SPRED2: variants seen among roughly 807,000 people sequenced by gnomAD.
SPRED2 encodes the protein sprouty related EVH1 domain containing 2.
In SPRED2, 47 loss-of-function variants were observed where a neutral mutation model predicts 43.0. The observed-to-expected ratio is 1.09, with a 90% CI of 0.87 to 1.40. SPRED2 has a LOEUF of 1.40. Among genes scored for constraint, SPRED2 ranks in the 40% most tolerant of loss-of-function variants. The pLI is 0.00. For missense variants in SPRED2, 561 were observed against 586.4 expected (o/e 0.96, Z 0.45); for synonymous variants, 225 against 225.7 (o/e 1.00, Z 0.03).
chr2:65,417,424 G>A (rs1364011377), intron 1 of SPRED2, among the ~76,000 whole-genome samples: 1 of 152,072 alleles, frequency 6.6e-6, no homozygotes, highest in Non-Finnish European at 1.5e-5. Context: ...GGAAACCAAA[G>A]CTTAAGACCC....
At chr2:65,423,157 G>A (rs1447346683) in intron 1 of SPRED2, among the ~76,000 whole-genome samples, 2 of 152,192 alleles carry the variant, frequency 1.3e-5, no homozygotes, top group Non-Finnish European at 2.9e-5. Flanking sequence ...TGGCATTCAA[G>A]TAGACAAAAC....
intron 3 of SPRED2, among the ~76,000 whole-genome samples, chr2:65,332,789 G>A (rs1673852386): frequency 6.6e-6 from 1 of 152,020 alleles, no homozygotes; most frequent in African/African-American, 2.4e-5. Context: ...TCTGGTATGC[G>A]AATCAGGTAC....
chr2:65,318,754 C>A (rs1436328788), intron 4 of SPRED2, among the ~76,000 whole-genome samples: 2 of 151,968 alleles, frequency 1.3e-5, no homozygotes, highest in Non-Finnish European at 2.9e-5. Flanking sequence ...TCAAGTGATC[C>A]CCCTGCTTCA....
At chr2:65,401,927 G>A (rs551355043) in intron 1 of SPRED2, among the ~76,000 whole-genome samples, 5 of 30,032 alleles carry the variant, frequency 1.7e-4, no homozygotes, top group South Asian at 7.9e-4. Flanking sequence ...CAGAATATTA[G>A]CGCGCGCGCG....
intron 1 of SPRED2, among the ~76,000 whole-genome samples, chr2:65,391,195 T>TAA (rs1675627935): frequency 6.9e-6 from 1 of 145,556 alleles, no homozygotes; most frequent in South Asian, 2.2e-4. Context: ...CCTTAATGTG[T>TAA]ACACACACAC....
chr2:65,421,810 C>A (rs1676429801), intron 1 of SPRED2, among the ~76,000 whole-genome samples: 1 of 152,146 alleles, frequency 6.6e-6, no homozygotes, highest in African/African-American at 2.4e-5. Context: ...ATTTGCTCAA[C>A]AGTAATATAA....
In SPRED2 at chr2:65,313,844, T is replaced by C. The variant is rs1673147792; in HGVS notation, c.914A>G (p.Glu305Gly). The change falls in exon 6 of 6, where the codon GAG becomes GGG. Residue 305 changes from glutamate (E) to glycine (G), a missense_variant. Glu to Gly is a moderately conservative substitution (Grantham distance 98). Transcript: ENST00000356388. The part of the protein sequence containing the change: ...GKSRRRKEDG[E>G]RSRCVYCRDM... Reference sequence around the variant, plus strand: ...CCTGCAGTACACGCACCGCGAGCGCTCTCCGTCCTCCTTCCGCCGCCGCGA... The same window carrying C: ...CCTGCAGTACACGCACCGCGAGCGCCCTCCGTCCTCCTTCCGCCGCCGCGA... 5 of 1,611,818 alleles carry C rather than the reference T, an allele frequency of 3.1e-6. No individual in the cohort carries two copies. In the South Asian group the frequency reaches 5.5e-5, roughly 18 times the overall value.
intron 4 of SPRED2, among the ~76,000 whole-genome samples, chr2:65,327,884 T>C (rs1012130098): frequency 1.1e-4 from 16 of 151,882 alleles, no homozygotes; most frequent in South Asian, 6.3e-4. Context: ...CCATCATGCC[T>C]GGCTAATTTT....
chr2:65,325,980 CAA>C (rs1202722666), intron 4 of SPRED2, among the ~76,000 whole-genome samples: 9 of 127,044 alleles, frequency 7.1e-5, no homozygotes, highest in Admixed American at 2.4e-4. Flanking sequence ...AAGACTGTCT[CAA>C]AAAAAAAAAA....
chr2:65,397,365 G>A (rs146221808), intron 1 of SPRED2, among the ~76,000 whole-genome samples: 55 of 152,270 alleles, frequency 3.6e-4, no homozygotes, highest in Admixed American at 1.1e-3. Flanking sequence ...AATGAGCAGG[G>A]TTAACTTTTC....
At chr2:65,378,325 G>A (rs947976522) in intron 1 of SPRED2, among the ~76,000 whole-genome samples, 1 of 152,182 alleles carries the variant, frequency 6.6e-6, no homozygotes, top group South Asian at 2.1e-4. Context: ...GTGTGATCAT[G>A]GTATTGCGGT....
intron 1 of SPRED2, among the ~76,000 whole-genome samples, chr2:65,423,659 G>C (rs887046711): frequency 6.6e-6 from 1 of 152,160 alleles, no homozygotes; most frequent in Non-Finnish European, 1.5e-5. Context: ...ATTCTGAAAA[G>C]AAAGAACACC....
intron 2 of SPRED2, among the ~76,000 whole-genome samples, chr2:65,335,890 T>C (rs1673952667): frequency 1.3e-5 from 2 of 152,262 alleles, no homozygotes; most frequent in South Asian, 2.1e-4. Flanking sequence ...CATAATGATT[T>C]TGCTAAGTTT....
intron 3 of SPRED2, among the ~76,000 whole-genome samples, chr2:65,333,074 T>C (rs1673860559): frequency 6.6e-6 from 1 of 152,048 alleles, no homozygotes; most frequent in Admixed American, 6.6e-5. Context: ...AAGACCAGCC[T>C]GGCCAACATA....
downstream of SPRED2, among the ~76,000 whole-genome samples, chr2:65,307,507 T>G (rs1261330892): frequency 6.7e-6 from 1 of 149,956 alleles, no homozygotes; most frequent in Non-Finnish European, 1.5e-5. Flanking sequence ...GTATGACATT[T>G]TAATAACTAC....
At position 65,311,542 on chromosome 2, in the gene SPRED2, A is replaced by T. The variant is rs1673067732; in HGVS notation, c.*1959T>A. On this transcript the variant is annotated 3_prime_UTR_variant, in exon 6 of 6. Transcript: ENST00000356388. Reference sequence around the variant, plus strand: ...GCTTTGTAGAGAAGAGACCCTAGAGAAAGACCCCAAGGAAGTGCCTCCGGG... The same window carrying T: ...GCTTTGTAGAGAAGAGACCCTAGAGTAAGACCCCAAGGAAGTGCCTCCGGG... 5 of 985,860 alleles carry T rather than the reference A, an allele frequency of 5.1e-6. No homozygotes were observed. The highest frequency in any genetic ancestry group is 6.0e-6 in the Non-Finnish European group (5 of 829,938). 61.1% of individuals were successfully genotyped at this position (985,860 alleles called of 1,614,324 possible).
intron 1 of SPRED2, among the ~76,000 whole-genome samples, chr2:65,399,661 G>A (rs1336478225): frequency 1.3e-5 from 2 of 152,116 alleles, no homozygotes; most frequent in Non-Finnish European, 2.9e-5. Flanking sequence ...GATTACAGGC[G>A]TGAGCCACTG....
chr2:65,327,862 TAC>T (rs1352148080), intron 4 of SPRED2, among the ~76,000 whole-genome samples: 1 of 151,738 alleles, frequency 6.6e-6, no homozygotes, highest in Admixed American at 6.6e-5. Flanking sequence ...TAGCTGGGAT[TAC>T]AGGGGCCCGC....
intron 1 of SPRED2, among the ~76,000 whole-genome samples, chr2:65,353,103 A>G (rs1279138946): frequency 6.6e-6 from 1 of 152,116 alleles, no homozygotes; most frequent in Non-Finnish European, 1.5e-5. Flanking sequence ...TCATCCAGGA[A>G]CCAATTAAGC....
Sources: allele counts gnomAD v4.1 joint callset (sites outside exome capture counted in the v4.1 genomes callset), GRCh38; gene constraint gnomAD v4.1.1; transcripts MANE v1.5; gene names NCBI Gene and HGNC (gene_info 2026-07-23, HGNC 2026-07-21).